Variants in LRRC4C observed in about 807,000 individuals in gnomAD.
The protein encoded by LRRC4C is leucine rich repeat containing 4C, also known as leucine-rich repeat-containing protein 4C.
LRRC4C carries 5 observed loss-of-function variants against 33.6 expected under a neutral mutation model. The ratio of observed to expected loss-of-function variants is 0.15; its 90% CI spans 0.08 to 0.31. LRRC4C has a LOEUF of 0.31. Among genes scored for constraint, LRRC4C ranks in the 10% least tolerant of loss-of-function variants. The pLI, the probability that LRRC4C is intolerant of heterozygous loss-of-function variation, is 1.00. For missense variants in LRRC4C, 560 were observed against 796.7 expected (o/e 0.70, Z 3.58); for synonymous variants, 329 against 302.0 (o/e 1.09, Z -0.93).
chr11:40,391,032 T>G (rs878940338), intron 3 of LRRC4C, among the ~76,000 whole-genome samples: 3 of 151,880 alleles, frequency 2.0e-5, no homozygotes, highest in Admixed American at 2.0e-4. Context: ...CATGTGTGCA[T>G]CACCACACCT....
chr11:40,629,351 G>A (rs1359823362), intron 3 of LRRC4C, among the ~76,000 whole-genome samples: 4 of 151,858 alleles, frequency 2.6e-5, no homozygotes, highest in African/African-American at 9.7e-5. Context: ...TTTACAGAGC[G>A]AGATTCTCAT....
At chr11:40,436,828 A>C (rs1951159482) in intron 3 of LRRC4C, among the ~76,000 whole-genome samples, 5 of 152,150 alleles carry the variant, frequency 3.3e-5, no homozygotes. Context: ...CTTCAACTAC[A>C]GCTGGAGTTC....
intron 2 of LRRC4C, among the ~76,000 whole-genome samples, chr11:40,673,724 G>A (rs1944246276): frequency 6.6e-6 from 1 of 152,158 alleles, no homozygotes; most frequent in Non-Finnish European, 1.5e-5. Flanking sequence ...TCTAACGGAT[G>A]CCAGACACTG....
At chr11:40,406,505 G>C (rs1590635672) in intron 3 of LRRC4C, among the ~76,000 whole-genome samples, 3 of 151,856 alleles carry the variant, frequency 2.0e-5, no homozygotes, top group South Asian at 4.2e-4. Context: ...GGTATGTGTT[G>C]GGCAGTATAC....
chr11:40,964,507 C>A (rs772582218), intron 1 of LRRC4C, among the ~76,000 whole-genome samples: 8 of 147,732 alleles, frequency 5.4e-5, no homozygotes, highest in Non-Finnish European at 1.2e-4. Context: ...TCTCCTAATG[C>A]TATCCCTTCC....
intron 2 of LRRC4C, among the ~76,000 whole-genome samples, chr11:40,757,033 C>A (rs1375687786): frequency 6.6e-6 from 1 of 151,978 alleles, no homozygotes; most frequent in East Asian, 1.9e-4. Flanking sequence ...CATACTCTTT[C>A]TTTTTGTCAC....
At chr11:40,650,768 C>A (rs1186356077) in intron 2 of LRRC4C, among the ~76,000 whole-genome samples, 1 of 152,152 alleles carries the variant, frequency 6.6e-6, no homozygotes, top group African/African-American at 2.4e-5. Context: ...TTAACACTCT[C>A]TTATATTAAC....
chr11:41,146,362 A>G (rs1943726874), intron 1 of LRRC4C, among the ~76,000 whole-genome samples: 1 of 152,196 alleles, frequency 6.6e-6, no homozygotes, highest in African/African-American at 2.4e-5. Context: ...TGGATGACAC[A>G]GGTTCATTCC....
intron 2 of LRRC4C, among the ~76,000 whole-genome samples, chr11:40,658,953 C>T (rs986767070): frequency 4.6e-5 from 7 of 152,330 alleles, no homozygotes; most frequent in African/African-American, 1.4e-4. Context: ...CCAGCAGGAG[C>T]TGGGCAGAGA....
chr11:40,282,027 G>C (rs984265515), intron 4 of LRRC4C, among the ~76,000 whole-genome samples: 1 of 152,150 alleles, frequency 6.6e-6, no homozygotes, highest in Non-Finnish European at 1.5e-5. Flanking sequence ...GCCTACAAGT[G>C]TCATCTCAAC....
intron 1 of LRRC4C, among the ~76,000 whole-genome samples, chr11:41,018,055 A>T (rs1208568021): frequency 1.6e-5 from 2 of 128,880 alleles, no homozygotes; most frequent in Non-Finnish European, 3.4e-5. Flanking sequence ...CTCAAAGATT[A>T]GTTTATTCCA....
intron 3 of LRRC4C, among the ~76,000 whole-genome samples, chr11:40,391,810 C>T (rs967311026): frequency 6.6e-6 from 1 of 152,086 alleles, no homozygotes; most frequent in Non-Finnish European, 1.5e-5. Context: ...CCCAAATAAG[C>T]TGAAATTTTA....
At chr11:41,218,150 AAAAACTTTAGTCACCTTTG>A (rs1223158453) in intron 1 of LRRC4C, among the ~76,000 whole-genome samples, 1 of 152,196 alleles carries the variant, frequency 6.6e-6, no homozygotes, top group Non-Finnish European at 1.5e-5. Flanking sequence ...AAAAAAAAAA[AAAAACTTTAGTCACCTTTG>A]TTACTTCACC....
chr11:41,247,823 A>G, intron 1 of LRRC4C, among the ~76,000 whole-genome samples: 1 of 98,848 alleles, frequency 1.0e-5, no homozygotes, highest in Admixed American at 8.7e-5. Context: ...TTATGAGTCC[A>G]TTTGATTCCA....
chr11:40,183,378 C>G (rs181307963), intron 5 of LRRC4C, among the ~76,000 whole-genome samples: 2 of 152,096 alleles, frequency 1.3e-5, no homozygotes, highest in African/African-American at 2.4e-5. Context: ...ATAACTCAAA[C>G]GTTTGTTGTT....
intron 3 of LRRC4C, among the ~76,000 whole-genome samples, chr11:40,622,949 C>A (rs1806867385): frequency 6.6e-6 from 1 of 151,760 alleles, no homozygotes; most frequent in Non-Finnish European, 1.5e-5. Context: ...TAAAATGTAT[C>A]TACACATCCA....
At chr11:40,987,643 A>AT (rs1284970748) in intron 1 of LRRC4C, among the ~76,000 whole-genome samples, 2 of 58,474 alleles carry the variant, frequency 3.4e-5, no homozygotes, top group Non-Finnish European at 3.4e-5. Context: ...ATATATATAT[A>AT]TATATATATC....
At chr11:40,952,908 T>C (rs1016382519) in intron 1 of LRRC4C, among the ~76,000 whole-genome samples, 4 of 150,698 alleles carry the variant, frequency 2.7e-5, no homozygotes, top group Non-Finnish European at 3.0e-5. Flanking sequence ...TCTCTCTCTC[T>C]CTCTCTCTCT....
At chr11:41,368,861 TA>T in intron 1 of LRRC4C, among the ~76,000 whole-genome samples, 1 of 152,324 alleles carries the variant, frequency 6.6e-6, no homozygotes, top group South Asian at 2.1e-4. Flanking sequence ...CCCCGCATCC[TA>T]AATATCCATT....
Sources: allele counts gnomAD v4.1 joint callset (sites outside exome capture counted in the v4.1 genomes callset), GRCh38; gene constraint gnomAD v4.1.1; transcripts MANE v1.5; gene names NCBI Gene and HGNC (gene_info 2026-07-23, HGNC 2026-07-21).